The following FBN3 variants were observed in gnomAD, a reference collection of about 807,000 sequenced individuals.
FBN3 encodes fibrillin 3, also known as fibrillin-3.
FBN3 carries 234 observed loss-of-function variants against 330.1 expected under a neutral mutation model. The observed-to-expected ratio is 0.71, with a 90% confidence interval of 0.64 to 0.79. FBN3 has a LOEUF of 0.79. Ranked by LOEUF, FBN3 falls within the 30% of genes least tolerant of loss-of-function variation. FBN3 has a pLI of 0.00. For synonymous variants in FBN3, 1,458 were observed against 1,517.3 expected, an observed-to-expected ratio of 0.96 and a Z score of 0.91; for missense variants, 3,606 against 3,886.9, an observed-to-expected ratio of 0.93 and a Z score of 1.92.
chr19:8,133,175 G>A, intron 13 of FBN3, 69 bp from the exon 14 acceptor site: 1 of 1,482,266 alleles, frequency 6.7e-7, no homozygotes, highest in African/African-American at 1.4e-5. Flanking sequence ...CCTCCTCCAG[G>A]CTCCAGGGCT....
chr19:8,118,769 G>T (rs1016245127), intron 26 of FBN3, 128 bp downstream of exon 26: 3 of 1,172,544 alleles, frequency 2.6e-6, no homozygotes, highest in African/African-American at 1.5e-5. Flanking sequence ...TCACACATAG[G>T]TATGGCCTCA....
At position 8,131,442 on chromosome 19, in the gene FBN3, T is replaced by A. The variant is rs1396286371; in HGVS notation, c.1990+112A>T. The A allele has an allele frequency of 6.7e-7, 1 of 1,486,440 alleles. No individual in the cohort carries two copies. Among genetic ancestry groups the A allele is most frequent in the African/African-American group, 1.4e-5 (1 of 71,870 alleles). The allele number at this position is 1,486,440 out of a possible 1,614,324, so 92.1% of individuals were successfully genotyped here. A position where few individuals can be genotyped will look rare whatever the true frequency, so the allele number is the denominator to read the frequency against. On this transcript the variant is annotated intron_variant, in intron 15 of 63. Coordinates refer to ENST00000600128, the MANE Select transcript of FBN3 (RefSeq NM_032447.5). This position sits in a 1 kb window ranked among gnomAD's most constrained non-coding sequence, Gnocchi z 4.5. The stretch of plus-strand genomic sequence containing the variant: ...GGAGGGAGCAACTCCCTTCAGCCTC[T>A]TTTTGGGAAGAGCCCCCACTCCATG...
Position 8,085,514 on chromosome 19 carries a change from C to T in FBN3, c.6936G>A (p.Leu2312=), listed in dbSNP as rs1275747781. ...TGGTGACAGCCTCACTGCTGCTGGA[C>T]AGAGACCGGCACATGGTCTGCAGCA... ...AEVLQTMCRS[L]SSSSEAVTRA... The change falls in exon 56 of 64, where the codon CTG becomes CTA. Residue 2312 remains leucine (L), a synonymous_variant. Transcript: ENST00000600128. 1 of 1,594,558 alleles carries T rather than the reference C, an allele frequency of 6.3e-7. No homozygotes were observed. The highest frequency in any genetic ancestry group is 1.1e-5 in the South Asian group (1 of 87,952).
chr19:8,112,899 A>G (rs1354003150), intron 30 of FBN3, among the ~76,000 whole-genome samples: 2 of 152,244 alleles, frequency 1.3e-5, no homozygotes, highest in Non-Finnish European at 2.9e-5. Flanking sequence ...ACCTCTAAGA[A>G]GTCATAGGCT....
At position 8,096,985 on chromosome 19, in the gene FBN3, C is replaced by T. The variant is rs1038726803; in HGVS notation, c.5309G>A (p.Arg1770Lys). 2.5e-6 allele frequency: 4 copies of T among 1,613,556 alleles called. 1 individual carries two copies. In the South Asian group the frequency reaches 4.4e-5, roughly 18 times the overall value. Residue 1770 changes from arginine (R) to lysine (K), a missense_variant, in exon 43 of 64, where the codon AGG (arginine) becomes AAG (lysine). Transcript: ENST00000600128. The surrounding 1 kb of genome is among the most constrained non-coding windows in gnomAD (Gnocchi z 4.6). ...ACEDVDECGSRESPCQQNADC... is the reference protein window; with the variant it reads ...ACEDVDECGSKESPCQQNADC... ...AGCATTCTGCTGGCAGGGACTCTCC[C>T]TGCTGCCACACTCATCGACATCTGG... is the stretch of plus-strand genomic sequence containing the variant.
intron 13 of FBN3, among the ~76,000 whole-genome samples, chr19:8,134,990 A>T (rs114520915): frequency 0.39 from 57,091 of 148,240 alleles, 11,067 homozygotes; most frequent in South Asian, 0.45. Flanking sequence ...ATATATATAT[A>T]TTTTTTGAAA....
chr19:8,126,776 C>T lies in FBN3; in HGVS notation c.2353G>A (p.Gly785Ser), dbSNP rs777977724. The T allele has an allele frequency of 1.6e-5, 25 of 1,592,776 alleles. No individual in the cohort carries two copies. Among genetic ancestry groups the T allele is most frequent in the East Asian group, 4.5e-5 (2 of 44,792 alleles). ...GGGCCACATTTGCAGGTGTAGGAGC[C>T]GGCCAGGTTCCGACAGACGCCACTC... is the stretch of plus-strand genomic sequence containing the variant. ...CVSGVCRNLA[G>S]SYTCKCGPGS... Residue 785 changes from glycine (G) to serine (S), a missense_variant, in exon 19 of 64, where the codon GGC becomes AGC. Gly to Ser is a moderately conservative substitution (Grantham distance 56). Coordinates refer to ENST00000600128, the MANE Select transcript of FBN3 (RefSeq NM_032447.5).
Position 8,087,878 on chromosome 19 carries a change from A to G in FBN3, c.6566T>C (p.Leu2189Pro). 1 of 1,614,104 alleles carries G rather than the reference A, an allele frequency of 6.2e-7. No individual in the cohort carries two copies. Residue 2189 changes from leucine (L) to proline (P), a missense_variant, in exon 53 of 64, where the codon CTG becomes CCG. Transcript: ENST00000600128. ...GGTGTAGCCGGCTGGACAGGTGCAC[A>G]GGTAGGAGCCCTCGGTATTGTGGCA... ...FRCHNTEGSY[L>P]CTCPAGYTLR...
At chr19:8,111,551 AG>A in intron 32 of FBN3, 96 bp downstream of exon 32, 1 of 1,328,650 alleles carries the variant, frequency 7.5e-7, no homozygotes, top group Non-Finnish European at 1.0e-6. Flanking sequence ...TTGAGTCAGA[AG>A]GAGTCAGGAG....
rs995310333 is a variant in FBN3, at chr19:8,072,314, C to T, written c.7938-116G>A. On this transcript the variant is annotated intron_variant, in intron 62 of 63. Coordinates refer to ENST00000600128, the MANE Select transcript of FBN3 (RefSeq NM_032447.5). ...GTCATGCTGCAAATGCCCACGCACA[C>T]AAATGCCTCTGAGCATGTGCTGGTG... is the stretch of plus-strand genomic sequence containing the variant. The T allele has an allele frequency of 2.7e-6, 3 of 1,098,558 alleles. No individual in the cohort carries two copies. The Admixed American group carries it at 7.5e-5, about 27-fold the overall frequency. The allele number at this position is 1,098,558 out of a possible 1,614,324, so 68.1% of individuals were successfully genotyped here.
chr19:8,141,675 G>C lies in FBN3; in HGVS notation c.865+42C>G, dbSNP rs72993508. 227,138 of 1,581,596 alleles carry C rather than the reference G, an allele frequency of 0.14. 16,625 individuals carry two copies. Among genetic ancestry groups the C allele is most frequent in the Middle Eastern group, 0.21 (1,176 of 5,490 alleles). ...GGAGCCTGAGCCCCCCAGGTCATGA[G>C]TCACAGAGGAGGTCTCAGGTTGTCC... On this transcript the variant is annotated intron_variant, in intron 8 of 63. Coordinates refer to ENST00000600128, the MANE Select transcript of FBN3 (RefSeq NM_032447.5).
intron 42 of FBN3, 42 bp downstream of exon 42, chr19:8,097,247 T>C (rs771621017): frequency 1.2e-4 from 192 of 1,581,338 alleles, no homozygotes; most frequent in Non-Finnish European, 1.6e-4. Flanking sequence ...CGGACATGCA[T>C]CCCACCCAGG....
chr19:8,084,399 C>T (rs1178612020), intron 56 of FBN3, among the ~76,000 whole-genome samples: 6 of 151,784 alleles, frequency 4.0e-5, no homozygotes, highest in East Asian at 3.9e-4. Context: ...GGGCCGGGCG[C>T]GGTGGCTCAT....
intron 59 of FBN3, among the ~76,000 whole-genome samples, chr19:8,079,582 T>A (rs2081725523): frequency 8.4e-6 from 1 of 119,702 alleles, no homozygotes; most frequent in Non-Finnish European, 1.7e-5. Flanking sequence ...AACACACTAT[T>A]CTGTTAATTG....
Position 8,129,071 on chromosome 19 carries a change from G to A in FBN3, c.2253C>T (p.Cys751=), listed in dbSNP as rs1388885703. 3 of 1,613,578 alleles carry A rather than the reference G, an allele frequency of 1.9e-6. No individual in the cohort carries two copies. Among genetic ancestry groups the A allele is most frequent in the East Asian group, 2.2e-5 (1 of 44,870 alleles). The change falls in exon 18 of 64, where the codon TGC becomes TGT. Residue 751 remains cysteine, a synonymous_variant. Transcript: ENST00000600128. The surrounding 1 kb of genome is among the most constrained non-coding windows in gnomAD (Gnocchi z 4.5). Reference sequence around the variant, plus strand: ...CCTGCCAGAAGTGGAAGCCGGGGGGGCAGGAGCAGCTGTAGCTGCCAGGGC... The same window carrying A: ...CCTGCCAGAAGTGGAAGCCGGGGGGACAGGAGCAGCTGTAGCTGCCAGGGC... ...QNSPGSYSCS[C]PPGFHFWQDT...
At chr19:8,077,428 T>C (rs1156471605) in intron 59 of FBN3, among the ~76,000 whole-genome samples, 1 of 151,152 alleles carries the variant, frequency 6.6e-6, no homozygotes, top group African/African-American at 2.4e-5. Flanking sequence ...CACCTGAGCA[T>C]GGGAGTTTGA....
At position 8,126,571 on chromosome 19, in the gene FBN3, C is replaced by G. The variant is rs1421345758; in HGVS notation, c.2451G>C (p.Gln817His). ...GAAGGTTCACCTCACAGCGGCTCTC[C>G]TGGATCTTCAGCCAGCAGGTGCCCT... is the stretch of plus-strand genomic sequence containing the variant. ...STKGTCWLKI[Q>H]ESRCEVNLQG... Residue 817 changes from glutamine (Q) to histidine (H), a missense_variant, in exon 20 of 64, where the codon CAG becomes CAC. Coordinates refer to ENST00000600128, the MANE Select transcript of FBN3 (RefSeq NM_032447.5). 5 of 1,611,484 alleles carry G rather than the reference C, an allele frequency of 3.1e-6. No individual in the cohort carries two copies. The highest frequency in any genetic ancestry group is 1.7e-6 in the Non-Finnish European group (2 of 1,179,976).
chr19:8,132,901 C>G (rs578058266), intron 14 of FBN3, 83 bp downstream of exon 14: 1 of 1,436,140 alleles, frequency 7.0e-7, no homozygotes, highest in African/African-American at 1.4e-5. Context: ...CATCCCCGTC[C>G]GGTCCCTCTC....
chr19:8,108,299 G>A, intron 36 of FBN3, 61 bp from the exon 37 acceptor site: 2 of 1,361,708 alleles, frequency 1.5e-6, no homozygotes, highest in South Asian at 1.3e-5. Context: ...GGGGAAACAG[G>A]GGAGCAACAG....
Sources: allele counts gnomAD v4.1 joint callset (sites outside exome capture counted in the v4.1 genomes callset), GRCh38; gene constraint gnomAD v4.1.1; non-coding constraint Gnocchi (gnomAD v3.1); transcripts MANE v1.5; gene names NCBI Gene and HGNC (gene_info 2026-07-23, HGNC 2026-07-21).